Variants in ELFN2 observed in about 807,000 individuals in gnomAD.
ELFN2 encodes the protein protein phosphatase 1 regulatory subunit 29.
In ELFN2, 17 loss-of-function variants were observed where a neutral mutation model predicts 45.5. That is an observed-to-expected ratio of 0.37 (90% CI 0.26 to 0.56). The LOEUF is 0.56. Among genes scored for constraint, ELFN2 ranks in the 20% least tolerant of loss-of-function variants. The pLI, the probability that ELFN2 is intolerant of heterozygous loss-of-function variation, is 0.77. For missense variants in ELFN2, 922 were observed against 1,183.2 expected (o/e 0.78, Z 3.24); for synonymous variants, 550 against 551.5 (o/e 1.00, Z 0.04).
chr22:37,419,365 C>A (rs373552229), intron 1 of ELFN2, among the ~76,000 whole-genome samples: 2 of 152,092 alleles, frequency 1.3e-5, no homozygotes, highest in Middle Eastern at 3.4e-3. Flanking sequence ...ACCTGTCCTC[C>A]CAGAGCACAC....
chr22:37,392,261 A>C (rs1932102750), intron 2 of ELFN2, among the ~76,000 whole-genome samples: 1 of 151,208 alleles, frequency 6.6e-6, no homozygotes, highest in Admixed American at 6.6e-5. Context: ...TTTCATCCTC[A>C]GGATCCTAGG....
At chr22:37,395,150 T>TAAATAAAG (rs559829736) in intron 2 of ELFN2, among the ~76,000 whole-genome samples, 22 of 147,608 alleles carry the variant, frequency 1.5e-4, no homozygotes, top group African/African-American at 5.5e-4. Flanking sequence ...AATAAATAAA[T>TAAATAAAG]ATTGTTGGAT....
At chr22:37,405,167 A>T (rs1932468306) in intron 2 of ELFN2, among the ~76,000 whole-genome samples, 2 of 135,406 alleles carry the variant, frequency 1.5e-5, no homozygotes, top group African/African-American at 5.6e-5. Context: ...ATCTCGGCTT[A>T]CTGCAACCTC....
intron 1 of ELFN2, among the ~76,000 whole-genome samples, chr22:37,343,902 C>T (rs1322003543): frequency 1.3e-5 from 2 of 152,064 alleles, no homozygotes; most frequent in African/African-American, 4.8e-5. Flanking sequence ...GCCCCTCACA[C>T]CCCCCTGGAT....
intron 2 of ELFN2, among the ~76,000 whole-genome samples, chr22:37,400,157 C>A (rs1370758310): frequency 6.6e-6 from 1 of 152,196 alleles, no homozygotes; most frequent in South Asian, 2.1e-4. Flanking sequence ...GGGTTATTAT[C>A]CTCCCAGGTC....
chr22:37,377,566 G>A (rs1396824086), intron 2 of ELFN2, among the ~76,000 whole-genome samples: 1 of 152,272 alleles, frequency 6.6e-6, no homozygotes, highest in East Asian at 1.9e-4. Flanking sequence ...AGAGGAAAGG[G>A]AAATGGGTGA....
rs756903446 is a variant in ELFN2 at position 37,368,643 on chromosome 22, G to A, written c.*4429C>T. 1.1e-3 allele frequency: 164 copies of A among 152,464 alleles called. No individual in the cohort carries two copies. The highest frequency in any genetic ancestry group is 2.0e-3 in the Non-Finnish European group (138 of 68,122). The allele number at this position is 152,464 out of a possible 1,614,324, so 9.4% of individuals were successfully genotyped here. Reference sequence around the variant, plus strand: ...GCAGCCACCTTGTCAGACAGGAGAGGTGGCAATGGGGCCAGCCAGGCAAGG... The same window carrying A: ...GCAGCCACCTTGTCAGACAGGAGAGATGGCAATGGGGCCAGCCAGGCAAGG... On this transcript the variant is annotated 3_prime_UTR_variant, in exon 3 of 3. Transcript: ENST00000402918.
In ELFN2 at chr22:37,369,218, G is replaced by C. The variant is rs1931290911; in HGVS notation, c.*3854C>G. On this transcript the variant is annotated 3_prime_UTR_variant, in exon 3 of 3. Coordinates refer to ENST00000402918, the MANE Select transcript of ELFN2 (RefSeq NM_052906.5). ...TCACCCCGCTGTTACATTTCCAGGA[G>C]GGAGTGGGGCAGGCGACCAACTTCC... 6.6e-6 allele frequency: 1 copy of C among 152,172 alleles called. No individual in the cohort carries two copies. Among genetic ancestry groups the C allele is most frequent in the African/African-American group, 2.4e-5 (1 of 41,394 alleles). The allele number at this position is 152,172 out of a possible 1,614,324, so 9.4% of individuals were successfully genotyped here. A position where few individuals can be genotyped will look rare whatever the true frequency, so the allele number is the denominator to read the frequency against.
intron 1 of ELFN2, among the ~76,000 whole-genome samples, chr22:37,422,634 C>T (rs923465092): frequency 3.9e-5 from 6 of 152,124 alleles, no homozygotes; most frequent in Non-Finnish European, 8.8e-5. Context: ...CACTCTGTCA[C>T]CCAGGCTGGA....
chr22:37,405,089 C>CTTTT (rs1491573989), intron 2 of ELFN2, among the ~76,000 whole-genome samples: 28,532 of 118,032 alleles, frequency 0.24, 4,232 homozygotes, highest in Non-Finnish European at 0.29. Flanking sequence ...TGAACCTCAG[C>CTTTT]ATTTTTTTTT....
chr22:37,381,024 C>T (rs1318944799), intron 2 of ELFN2, among the ~76,000 whole-genome samples: 6 of 152,110 alleles, frequency 3.9e-5, no homozygotes, highest in African/African-American at 7.2e-5. Context: ...ATAGATGGTG[C>T]GGGGAAGGGT....
At chr22:37,363,255 C>G (rs1461329159), downstream of ELFN2, among the ~76,000 whole-genome samples, 1 of 152,120 alleles carries the variant, frequency 6.6e-6, no homozygotes, top group Non-Finnish European at 1.5e-5. Context: ...AGAAACCGGA[C>G]TGAAGTCTAT....
At chr22:37,359,763 G>A (rs759643109) in intron 1 of ELFN2, among the ~76,000 whole-genome samples, 8 of 152,188 alleles carry the variant, frequency 5.3e-5, no homozygotes, top group African/African-American at 9.7e-5. Context: ...GAAGTTTCTC[G>A]GCTTTGCTCA....
intron 1 of ELFN2, among the ~76,000 whole-genome samples, chr22:37,346,708 G>A (rs867892178): frequency 5.9e-5 from 9 of 152,084 alleles, no homozygotes; most frequent in Admixed American, 2.0e-4. Context: ...AGGTGCACAC[G>A]GAGAGGCACG....
intron 2 of ELFN2, among the ~76,000 whole-genome samples, chr22:37,408,675 C>G (rs1167341040): frequency 6.6e-6 from 1 of 152,172 alleles, no homozygotes; most frequent in Non-Finnish European, 1.5e-5. Flanking sequence ...CAGGGATTGC[C>G]AAGGGCGCCC....
In ELFN2 at chr22:37,374,763, G is replaced by A. The variant is rs1698570864; in HGVS notation, c.772C>T (p.Pro258Ser). The change falls in exon 3 of 3, where the codon CCC becomes TCC. Residue 258 changes from proline (P) to serine (S), a missense_variant. Physicochemically the swap from Pro to Ser is moderately conservative, Grantham distance 74. Coordinates refer to ENST00000402918, the MANE Select transcript of ELFN2 (RefSeq NM_052906.5). ...TGGGCGTCGGTGGAGTAGGGCGTGG[G>A]GTGGCTCACGGGCCGGGCGGGCAGC... ...GSLPARPVSH[P>S]TPYSTDAQRE... is the part of the protein sequence containing the mutation. 1 of 1,609,470 alleles carries A rather than the reference G, an allele frequency of 6.2e-7. No homozygotes were observed. Among genetic ancestry groups the A allele is most frequent in the African/African-American group, 1.3e-5 (1 of 74,912 alleles).
intron 1 of ELFN2, among the ~76,000 whole-genome samples, chr22:37,421,248 T>C (rs1210203470): frequency 6.6e-6 from 1 of 152,208 alleles, no homozygotes; most frequent in African/African-American, 2.4e-5. Flanking sequence ...GGTCACTCCA[T>C]ATGGCATGCC....
At chr22:37,407,670 G>C (rs979978832) in intron 2 of ELFN2, among the ~76,000 whole-genome samples, 2 of 151,984 alleles carry the variant, frequency 1.3e-5, no homozygotes, top group Non-Finnish European at 2.9e-5. Context: ...GGCTGAGGTG[G>C]GCGGATCACG....
At chr22:37,383,936 A>T (rs577502769) in intron 2 of ELFN2, among the ~76,000 whole-genome samples, 53 of 152,190 alleles carry the variant, frequency 3.5e-4, no homozygotes, top group African/African-American at 1.2e-3. Context: ...GCAAGTCAGC[A>T]CCTCATTTCC....
Sources: allele counts gnomAD v4.1 joint callset (sites outside exome capture counted in the v4.1 genomes callset), GRCh38; gene constraint gnomAD v4.1.1; transcripts MANE v1.5; gene names NCBI Gene and HGNC (gene_info 2026-07-23, HGNC 2026-07-21).